COL11A2: variants seen among roughly 807,000 people sequenced by gnomAD.
The protein encoded by COL11A2 is collagen type XI alpha 2 chain.
A neutral mutation model predicts 273.4 loss-of-function variants in COL11A2; 116 were observed. The observed-to-expected ratio is 0.42, with a 90% CI of 0.36 to 0.49. The LOEUF (loss-of-function observed/expected upper bound fraction) is 0.49, where lower values mean the gene tolerates loss of function less well. Ranked by LOEUF, COL11A2 falls within the 20% of genes least tolerant of loss-of-function variation. The pLI is 0.00. For missense variants in COL11A2, 1,866 were observed against 2,309.0 expected (o/e 0.81, Z 3.93); for synonymous variants, 782 against 864.2 (o/e 0.90, Z 1.67).
At position 33,192,281 on chromosome 6, in the gene COL11A2, G is replaced by A; in HGVS notation, c.-41C>T. The A allele has an allele frequency of 3.3e-6, 5 of 1,536,532 alleles. No homozygotes were observed. Among genetic ancestry groups the A allele is most frequent in the Non-Finnish European group, 4.4e-6 (5 of 1,135,916 alleles). On this transcript the variant is annotated 5_prime_UTR_variant, in exon 1 of 66. Transcript: ENST00000341947. ...ACGCCGGGTCCCAGGGACCCAGGTC[G>A]GCCTGAGACGCTGGATGCCCTGAGG...
At chr6:33,168,385 C>T (rs1427740859) in intron 54 of COL11A2, 134 bp downstream of exon 54, 3 of 1,016,536 alleles carry the variant, frequency 3.0e-6, no homozygotes, top group African/African-American at 3.2e-5. Flanking sequence ...AACCCACCAG[C>T]TCCTGCACAC....
At chr6:33,191,397 CCTT>C (rs1438462894) in intron 1 of COL11A2, among the ~76,000 whole-genome samples, 2 of 152,260 alleles carry the variant, frequency 1.3e-5, no homozygotes, top group South Asian at 2.1e-4. Context: ...ACAGCCCCCT[CCTT>C]GACATCAAAT....
chr6:33,169,638 C>T lies in COL11A2; in HGVS notation c.3691-148G>A. 3 of 1,050,794 alleles carry T rather than the reference C, an allele frequency of 2.9e-6. No homozygotes were observed. Among genetic ancestry groups the T allele is most frequent in the Non-Finnish European group, 2.9e-6 (2 of 684,756 alleles). 65.1% of individuals were successfully genotyped at this position (1,050,794 alleles called of 1,614,324 possible). On this transcript the variant is annotated intron_variant, in intron 50 of 65. Coordinates refer to ENST00000341947, the MANE Select transcript of COL11A2 (RefSeq NM_080680.3). This position sits in a 1 kb window ranked among gnomAD's most constrained non-coding sequence, Gnocchi z 5.5. ...AAAGTCAAGCCTACAAGGGGAGTTCCCTAGTCCCCTTCCCTTCAAGAAAGG... is the reference window on the plus strand; with the variant it reads ...AAAGTCAAGCCTACAAGGGGAGTTCTCTAGTCCCCTTCCCTTCAAGAAAGG...
rs1260451141 is a variant in COL11A2, at chr6:33,163,843, G to A, written c.5071-25C>T. On this transcript the variant is annotated intron_variant, in intron 65 of 65. Coordinates refer to ENST00000341947, the MANE Select transcript of COL11A2 (RefSeq NM_080680.3). This position sits in a 1 kb window ranked among gnomAD's most constrained non-coding sequence, Gnocchi z 4.1. ...TCTTCAGGGGGAGACAAGGAAGAAA[G>A]TGTGAGCAGGATGGAGGCACCCCCC... The A allele has an allele frequency of 1.2e-6, 2 of 1,612,762 alleles. No homozygotes were observed. Among genetic ancestry groups the A allele is most frequent in the Non-Finnish European group, 1.7e-6 (2 of 1,179,904 alleles).
At position 33,164,760 on chromosome 6, in the gene COL11A2, G is replaced by A. The variant is rs1768856383; in HGVS notation, c.4863+92C>T. 1.7e-6 allele frequency: 2 copies of A among 1,157,570 alleles called. No individual in the cohort carries two copies. Among genetic ancestry groups the A allele is most frequent in the Non-Finnish European group, 2.5e-6 (2 of 797,126 alleles). The allele number at this position is 1,157,570 out of a possible 1,614,324, so 71.7% of individuals were successfully genotyped here. ...GTGGCAGGCTCCGGGGGGGGCAACAGCCAGGGGACTGTCACCAAAACCCAG... is the reference window on the plus strand; with the variant it reads ...GTGGCAGGCTCCGGGGGGGGCAACAACCAGGGGACTGTCACCAAAACCCAG... On this transcript the variant is annotated intron_variant, in intron 64 of 65. Coordinates refer to ENST00000341947, the MANE Select transcript of COL11A2 (RefSeq NM_080680.3). The surrounding 1 kb of genome is among the most constrained non-coding windows in gnomAD (Gnocchi z 4.7).
In COL11A2 at chr6:33,170,726, C is replaced by T. The variant is rs1054042584; in HGVS notation, c.3474+84G>A. 30 of 1,579,736 alleles carry T rather than the reference C, an allele frequency of 1.9e-5. No homozygotes were observed. The East Asian group carries it at 2.9e-4, about 15-fold the overall frequency. On this transcript the variant is annotated intron_variant, in intron 46 of 65. Transcript: ENST00000341947. This position sits in a 1 kb window ranked among gnomAD's most constrained non-coding sequence, Gnocchi z 4.3. Reference sequence around the variant, plus strand: ...ACTCCGCAGGCCCTCCAGTCTGCATCGGCAGGCTGCTGGCAGAGTCTGGGG... The same window carrying T: ...ACTCCGCAGGCCCTCCAGTCTGCATTGGCAGGCTGCTGGCAGAGTCTGGGG...
At chr6:33,191,594 G>A (rs539271545) in intron 1 of COL11A2, among the ~76,000 whole-genome samples, 2 of 152,364 alleles carry the variant, frequency 1.3e-5, no homozygotes, top group South Asian at 4.1e-4. Flanking sequence ...CGTCCTGTTG[G>A]CAGCCAGCCC....
Position 33,189,333 on chromosome 6 carries a change from G to A in COL11A2, c.219C>T (p.Arg73=), listed in dbSNP as rs2097584255. The A allele has an allele frequency of 6.2e-7, 1 of 1,613,578 alleles. No individual in the cohort carries two copies. The highest frequency in any genetic ancestry group is 1.1e-5 in the South Asian group (1 of 91,074). ...TGTCACCCATACCTGGGAAAAGCTGGCGAGTGGGTGCACTGAGCTGGGCAG... is the reference window on the plus strand; with the variant it reads ...TGTCACCCATACCTGGGAAAAGCTGACGAGTGGGTGCACTGAGCTGGGCAG... ...ARPAQLSAPT[R]QLFPGGFPKD... The change falls in exon 2 of 66, where the codon CGC becomes CGT. Residue 73 remains arginine (R), a synonymous_variant. Transcript: ENST00000341947. This position sits in a 1 kb window ranked among gnomAD's most constrained non-coding sequence, Gnocchi z 5.6.
intron 7 of COL11A2, 97 bp from the exon 8 acceptor site, chr6:33,184,421 G>A (rs1772116926): frequency 1.2e-6 from 1 of 834,106 alleles, no homozygotes; most frequent in Non-Finnish European, 1.7e-6. Context: ...CTAGCCCAAA[G>A]GATTCCAAGG....
In COL11A2 at chr6:33,192,054, T is replaced by A; in HGVS notation, c.82+105A>T. 4 of 1,078,124 alleles carry A rather than the reference T, an allele frequency of 3.7e-6. No individual in the cohort carries two copies. The South Asian group carries it at 5.4e-5, about 14-fold the overall frequency. 66.8% of individuals were successfully genotyped at this position (1,078,124 alleles called of 1,614,324 possible). On this transcript the variant is annotated intron_variant, in intron 1 of 65. Transcript: ENST00000341947. Reference sequence around the variant, plus strand: ...GTAGCCTTGAAGCCCCAAATCTCCTTGTTAGACTCAGAAGCTGCTGCCCCA... The same window carrying A: ...GTAGCCTTGAAGCCCCAAATCTCCTAGTTAGACTCAGAAGCTGCTGCCCCA...
intron 1 of COL11A2, 140 bp downstream of exon 1, chr6:33,192,019 C>T (rs1354724165): frequency 1.1e-5 from 9 of 791,374 alleles, no homozygotes; most frequent in Admixed American, 4.1e-5. Context: ...GGTGTCCTGC[C>T]CTCCAGCCTG....
chr6:33,171,277 A>T lies in COL11A2; in HGVS notation c.3306T>A (p.Gly1102=). 1 of 1,614,152 alleles carries T rather than the reference A, an allele frequency of 6.2e-7. No individual in the cohort carries two copies. The highest frequency in any genetic ancestry group is 8.5e-7 in the Non-Finnish European group (1 of 1,180,016). The change falls in exon 44 of 66, where the codon GGT becomes GGA. Residue 1102 remains glycine (G), a synonymous_variant. Coordinates refer to ENST00000341947, the MANE Select transcript of COL11A2 (RefSeq NM_080680.3). ...PGQKGTKGNK[G]EHGPPGPPGP... ...CAAGGTCATGGACACTTACATGTTCACCCTTGTTCCCTTTGGTGCCCTTCT... is the reference window on the plus strand; with the variant it reads ...CAAGGTCATGGACACTTACATGTTCTCCCTTGTTCCCTTTGGTGCCCTTCT...
At position 33,189,287 on chromosome 6, in the gene COL11A2, C is replaced by A. The variant is rs185117025; in HGVS notation, c.232+33G>T. ...GATCCTAGGCCCCATCCCATTACCT[C>A]CCCCCAGGCCTACCCCACCATGTCA... On this transcript the variant is annotated intron_variant, in intron 2 of 65. Transcript: ENST00000341947. The surrounding 1 kb of genome is among the most constrained non-coding windows in gnomAD (Gnocchi z 5.6). The A allele has an allele frequency of 2.0e-5, 33 of 1,613,750 alleles. No homozygotes were observed. The highest frequency in any genetic ancestry group is 2.5e-5 in the Non-Finnish European group (29 of 1,179,906).
Position 33,166,475 on chromosome 6 carries a change from T to A in COL11A2, c.4392+38A>T, listed in dbSNP as rs932676366. ...AGGCTGTGGGTGGGCAGCAGAGGGG[T>A]TTAGGGGATTTTGTGGAGGAACAGA... On this transcript the variant is annotated intron_variant, in intron 60 of 65. Transcript: ENST00000341947. This position sits in a 1 kb window ranked among gnomAD's most constrained non-coding sequence, Gnocchi z 4.8. 1 of 1,605,642 alleles carries A rather than the reference T, an allele frequency of 6.2e-7. No homozygotes were observed. Among genetic ancestry groups the A allele is most frequent in the Non-Finnish European group, 8.5e-7 (1 of 1,175,088 alleles).
rs749914020 is a variant in COL11A2, at chr6:33,172,128, A to G, written c.2989-25T>C. On this transcript the variant is annotated intron_variant, in intron 40 of 65. Transcript: ENST00000341947. ...CCTATGAACCAGACATTTGGGGAAG[A>G]TGAGACTTCACGAAAAGAGAAGGGT... 17 of 1,612,534 alleles carry G rather than the reference A, an allele frequency of 1.1e-5. No individual in the cohort carries two copies. The African/African-American group carries it at 2.0e-4, about 19-fold the overall frequency.
chr6:33,187,928 G>A (rs1772625786), intron 4 of COL11A2, among the ~76,000 whole-genome samples: 1 of 152,058 alleles, frequency 6.6e-6, no homozygotes, highest in Non-Finnish European at 1.5e-5. Flanking sequence ...TGGTTTGAAG[G>A]GGAGAGTGGT....
Position 33,166,168 on chromosome 6 carries a change from C to T in COL11A2, c.4428+3G>A, listed in dbSNP as rs1325480935. 1.2e-6 allele frequency: 2 copies of T among 1,608,040 alleles called. No individual in the cohort carries two copies. The highest frequency in any genetic ancestry group is 1.7e-6 in the Non-Finnish European group (2 of 1,177,784). On this transcript the variant is annotated splice_donor_region_variant and intron_variant, in intron 61 of 65. Coordinates refer to ENST00000341947, the MANE Select transcript of COL11A2 (RefSeq NM_080680.3). This position sits in a 1 kb window ranked among gnomAD's most constrained non-coding sequence, Gnocchi z 4.8. ...AAGGTCAGAGCTGAAGGGGGTCACT[C>T]ACTGTGGCTCCTTTGGCTCCTTTGG...
chr6:33,173,031 G>T lies in COL11A2; in HGVS notation c.2790+29C>A. On this transcript the variant is annotated intron_variant, in intron 38 of 65. Transcript: ENST00000341947. This position sits in a 1 kb window ranked among gnomAD's most constrained non-coding sequence, Gnocchi z 6.3. ...CAGACAGACTAATGCTAGGGTCAGGGGTCCATTCTCTCCTAGGGACAAACC... is the reference window on the plus strand; with the variant it reads ...CAGACAGACTAATGCTAGGGTCAGGTGTCCATTCTCTCCTAGGGACAAACC... 1.2e-6 allele frequency: 2 copies of T among 1,608,066 alleles called. No homozygotes were observed. Among genetic ancestry groups the T allele is most frequent in the East Asian group, 2.2e-5 (1 of 44,790 alleles).
chr6:33,165,955 A>G lies in COL11A2; in HGVS notation c.4458T>C (p.Gly1486=). 6.2e-7 allele frequency: 1 copy of G among 1,613,788 alleles called. No homozygotes were observed. The highest frequency in any genetic ancestry group is 1.1e-5 in the South Asian group (1 of 91,074). The change falls in exon 62 of 66, where the codon GGT becomes GGC. Residue 1486 remains glycine, a synonymous_variant. Coordinates refer to ENST00000341947, the MANE Select transcript of COL11A2 (RefSeq NM_080680.3). This position sits in a 1 kb window ranked among gnomAD's most constrained non-coding sequence, Gnocchi z 7.7. ...TGPGGPKGEK[G]VQGPPGHPGP... is the part of the protein sequence containing the mutation. Reference sequence around the variant, plus strand: ...CCGGGTGTCCTGGAGGGCCCTGCACACCCTTCTCTCCCTTGGGTCCGCCTG... The same window carrying G: ...CCGGGTGTCCTGGAGGGCCCTGCACGCCCTTCTCTCCCTTGGGTCCGCCTG...
Sources: allele counts gnomAD v4.1 joint callset (sites outside exome capture counted in the v4.1 genomes callset), GRCh38; gene constraint gnomAD v4.1.1; non-coding constraint Gnocchi (gnomAD v3.1); transcripts MANE v1.5; gene names NCBI Gene and HGNC (gene_info 2026-07-23, HGNC 2026-07-21).